The following ARHGAP19 variants were observed in gnomAD, a reference collection of about 807,000 sequenced individuals.
ARHGAP19 encodes Rho GTPase activating protein 19, also known as rho GTPase-activating protein 19.
In ARHGAP19, 48 loss-of-function variants were observed where a neutral mutation model predicts 60.9. The observed-to-expected ratio is 0.79, with a 90% confidence interval of 0.62 to 1.00. The LOEUF (loss-of-function observed/expected upper bound fraction) is 1.00, where lower values mean the gene tolerates loss of function less well. ARHGAP19 is among the 50% of genes least tolerant of loss of function. The pLI, the probability that ARHGAP19 is intolerant of heterozygous loss-of-function variation, is 0.00. For missense variants in ARHGAP19, 562 were observed against 597.2 expected (o/e 0.94, Z 0.61); for synonymous variants, 209 against 215.5 (o/e 0.97, Z 0.27).
chr10:97,229,874 G>A lies in ARHGAP19; in HGVS notation c.1285C>T (p.Arg429Trp), dbSNP rs776434645. The A allele has an allele frequency of 4.6e-5, 73 of 1,590,748 alleles. No homozygotes were observed. The Admixed American group carries it at 1.1e-3, about 24-fold the overall frequency. Residue 429 changes from arginine (R) to tryptophan (W), a missense_variant and splice_region_variant, in exon 10 of 12, where the codon CGG (arginine) becomes TGG (tryptophan). Coordinates refer to ENST00000358531, the MANE Select transcript of ARHGAP19 (RefSeq NM_032900.6). ...ATCATCTGATTTCCCAGGACCTTCC[G>A]CTGATTTAAGAACAGAAAACATTTG... is the stretch of plus-strand genomic sequence containing the variant. ...RSRSFSGLIK[R>W]KVLGNQMMSE...
intron 3 of ARHGAP19, among the ~76,000 whole-genome samples, chr10:97,264,192 C>T (rs1241717817): frequency 6.6e-6 from 1 of 152,174 alleles, no homozygotes; most frequent in Non-Finnish European, 1.5e-5. Context: ...TGGCTCACGC[C>T]TATAATCTCA....
chr10:97,239,895 C>T (rs1434528438), intron 8 of ARHGAP19, among the ~76,000 whole-genome samples: 1 of 151,312 alleles, frequency 6.6e-6, no homozygotes, highest in African/African-American at 2.4e-5. Context: ...TTAGTAGAGA[C>T]GGGGTTTCTC....
rs539759361 is a variant in ARHGAP19 at position 97,241,087 on chromosome 10, A to G, written c.1185+2881T>C. ...TGTAATACCAGCACTTTGGGAGGCC[A>G]AGGCAGGTGGATCATTTGGGGTCAG... On this transcript the variant is annotated intron_variant, in intron 8 of 11. Transcript: ENST00000358531. Among the ~76,000 whole-genome samples, 379 of 150,638 alleles carry G rather than the reference A, an allele frequency of 2.5e-3. 2 individuals are homozygous for G. The highest frequency in any genetic ancestry group is 9.0e-3 in the African/African-American group (369 of 41,042).
chr10:97,230,692 G>A (rs998983744), intron 9 of ARHGAP19, among the ~76,000 whole-genome samples: 1 of 152,100 alleles, frequency 6.6e-6, no homozygotes, highest in Non-Finnish European at 1.5e-5. Context: ...AGTTCTGGAG[G>A]AAAAAACTCT....
intron 4 of ARHGAP19, among the ~76,000 whole-genome samples, chr10:97,260,187 T>C (rs911506212): frequency 6.6e-6 from 1 of 151,578 alleles, no homozygotes; most frequent in Admixed American, 6.6e-5. Flanking sequence ...TCAGAAGGTA[T>C]ACAAGTGGCC....
At chr10:97,281,670 C>A (rs1843087856) in intron 1 of ARHGAP19, among the ~76,000 whole-genome samples, 1 of 152,152 alleles carries the variant, frequency 6.6e-6, no homozygotes, top group Non-Finnish European at 1.5e-5. Context: ...TGAAAATTCA[C>A]TAAGTGCTAC....
At chr10:97,269,197 A>C (rs974737566) in intron 1 of ARHGAP19, among the ~76,000 whole-genome samples, 1 of 152,210 alleles carries the variant, frequency 6.6e-6, no homozygotes, top group African/African-American at 2.4e-5. Context: ...TCAATACTAC[A>C]TGGATAATTG....
intron 6 of ARHGAP19, among the ~76,000 whole-genome samples, chr10:97,255,672 C>T (rs1030255446): frequency 2.0e-5 from 3 of 152,080 alleles, no homozygotes; most frequent in Non-Finnish European, 4.4e-5. Flanking sequence ...TTGCTAAAAC[C>T]TTAGAAACAT....
At chr10:97,264,397 G>A (rs796980) in intron 3 of ARHGAP19, among the ~76,000 whole-genome samples, 49,876 of 151,226 alleles carry the variant, frequency 0.33, 8,537 homozygotes, top group African/African-American at 0.41. Flanking sequence ...AGGCTGCAGT[G>A]AGCCAAGATC....
chr10:97,231,810 T>C (rs1481949134), intron 9 of ARHGAP19, among the ~76,000 whole-genome samples: 1 of 152,162 alleles, frequency 6.6e-6, no homozygotes, highest in Non-Finnish European at 1.5e-5. Flanking sequence ...TCAATTCTTT[T>C]GGTTATATAC....
chr10:97,261,603 C>T (rs1197036428), intron 4 of ARHGAP19, among the ~76,000 whole-genome samples: 1 of 151,934 alleles, frequency 6.6e-6, no homozygotes, highest in Non-Finnish European at 1.5e-5. Flanking sequence ...GTAGTATTTA[C>T]TCATTGCATC....
chr10:97,225,897 T>TA lies in ARHGAP19; in HGVS notation c.*224dup, dbSNP rs1850885787. ...ATAGTTAGTGGTTTCCCCATAATATTAAAAAAGAGAGACAGGGCCTAAGCA... is the reference window on the plus strand; with the variant it reads ...ATAGTTAGTGGTTTCCCCATAATATTAAAAAAAGAGAGACAGGGCCTAAGCA... On this transcript the variant is annotated 3_prime_UTR_variant, in exon 12 of 12. Transcript: ENST00000358531. 4 of 551,380 alleles carry TA rather than the reference T, an allele frequency of 7.3e-6. No homozygotes were observed. The highest frequency in any genetic ancestry group is 1.3e-5 in the Non-Finnish European group (4 of 312,108). 34.2% of individuals were successfully genotyped at this position (551,380 alleles called of 1,614,324 possible).
chr10:97,228,109 G>A (rs777923744), intron 11 of ARHGAP19, among the ~76,000 whole-genome samples: 23 of 152,202 alleles, frequency 1.5e-4, no homozygotes, highest in African/African-American at 3.4e-4. Context: ...CAGAAGCAAC[G>A]AGGAAAGAAA....
chr10:97,245,213 C>A (rs1468508970), intron 7 of ARHGAP19, among the ~76,000 whole-genome samples: 1 of 151,954 alleles, frequency 6.6e-6, no homozygotes, highest in East Asian at 2.0e-4. Context: ...GGCCATGTTG[C>A]CCAAGCTGGT....
intron 1 of ARHGAP19, among the ~76,000 whole-genome samples, chr10:97,279,859 T>C (rs1036667642): frequency 6.6e-6 from 1 of 152,186 alleles, no homozygotes; most frequent in East Asian, 1.9e-4. Context: ...GAAAAAACTC[T>C]TGATTGCCTA....
chr10:97,246,216 C>T (rs910786506), intron 7 of ARHGAP19, 56 bp downstream of exon 7: 21 of 1,414,792 alleles, frequency 1.5e-5, no homozygotes, highest in Admixed American at 1.0e-4. Context: ...TGTTTTAAGA[C>T]TCCACAAATC....
At chr10:97,228,995 G>A in intron 11 of ARHGAP19, 152 bp downstream of exon 11, 1 of 749,724 alleles carries the variant, frequency 1.3e-6, no homozygotes, top group South Asian at 1.5e-5. Context: ...TAACCATCTG[G>A]TGAATGAACT....
chr10:97,259,377 C>T, intron 5 of ARHGAP19, 25 bp downstream of exon 5: 17 of 1,583,866 alleles, frequency 1.1e-5, no homozygotes, highest in Non-Finnish European at 1.5e-5. Flanking sequence ...ACCAAGCAAT[C>T]TTTACTCTTC....
intron 11 of ARHGAP19, 109 bp downstream of exon 11, chr10:97,229,038 G>A (rs1426708513): frequency 9.1e-7 from 1 of 1,101,774 alleles, no homozygotes. Context: ...TAATTTTTAT[G>A]TCACTTCTGA....
Sources: gnomAD v4.1 joint callset for allele counts (sites outside exome capture counted in the v4.1 genomes callset) on GRCh38, gnomAD v4.1.1 for gene constraint, MANE v1.5 for transcripts, NCBI Gene and HGNC (gene_info 2026-07-23, HGNC 2026-07-21) for gene names.